GLDN: variants seen among roughly 807,000 people sequenced by gnomAD.
The protein encoded by GLDN is collomin.
Under a neutral mutation model 56.5 loss-of-function variants are expected in GLDN, and 47 were observed. The ratio of observed to expected loss-of-function variants is 0.83; its 90% CI spans 0.66 to 1.06. GLDN has a LOEUF of 1.06. Ranked by LOEUF, GLDN falls within the 50% of genes least tolerant of loss-of-function variation. The pLI, the probability that GLDN is intolerant of heterozygous loss-of-function variation, is 0.00. For missense variants in GLDN, 782 were observed against 714.3 expected (o/e 1.09, Z -1.08); for synonymous variants, 332 against 278.8 (o/e 1.19, Z -1.90).
At position 51,395,762 on chromosome 15, in the gene GLDN, A is replaced by AT. The variant is rs1341715465; in HGVS notation, c.688+781_688+782insT. On this transcript the variant is annotated intron_variant, in intron 5 of 9. Coordinates refer to ENST00000335449, the MANE Select transcript of GLDN (RefSeq NM_181789.4). Reference sequence around the variant, plus strand: ...CTGAGACTGGGTAATTTATATATTTAAAAAAAGGTTTAATTGGCTTATAGT... The same window carrying AT: ...CTGAGACTGGGTAATTTATATATTTATAAAAAAGGTTTAATTGGCTTATAGT... Among the ~76,000 whole-genome samples the AT allele has an allele frequency of 2.2e-4, 6 of 27,070 alleles. No individual in the cohort carries two copies. The South Asian group carries it at 3.9e-3, about 17-fold the overall frequency. The allele number at this position is 27,070 out of a possible 152,430, so 17.8% of individuals were successfully genotyped here.
chr15:51,369,390 C>T (rs16964307), intron 1 of GLDN, among the ~76,000 whole-genome samples: 1,618 of 152,334 alleles, frequency 0.011, 33 homozygotes, highest in African/African-American at 0.038. Context: ...GATGACTTAG[C>T]ATTTAAACAG....
intron 5 of GLDN, among the ~76,000 whole-genome samples, chr15:51,395,848 G>A (rs2038115682): frequency 6.6e-6 from 1 of 152,190 alleles, no homozygotes; most frequent in Non-Finnish European, 1.5e-5. Flanking sequence ...GAGGCCTCAG[G>A]AAACTTGTAA....
At chr15:51,374,938 A>G (rs908636847) in intron 1 of GLDN, among the ~76,000 whole-genome samples, 2 of 151,898 alleles carry the variant, frequency 1.3e-5, no homozygotes, top group African/African-American at 4.8e-5. Flanking sequence ...GGGTCTTACT[A>G]TGTTACCCAG....
At chr15:51,353,596 G>C (rs1355126512) in intron 1 of GLDN, among the ~76,000 whole-genome samples, 1 of 151,694 alleles carries the variant, frequency 6.6e-6, no homozygotes, top group Non-Finnish European at 1.5e-5. Flanking sequence ...GAGAAAATGT[G>C]AGTGGAAGGT....
intron 1 of GLDN, among the ~76,000 whole-genome samples, chr15:51,376,754 A>G (rs2037639656): frequency 6.6e-6 from 1 of 152,186 alleles, no homozygotes; most frequent in Admixed American, 6.5e-5. Flanking sequence ...TTTGTTAAAA[A>G]TGAAGACACA....
chr15:51,403,332 T>C (rs893586060), intron 9 of GLDN, among the ~76,000 whole-genome samples: 1 of 152,304 alleles, frequency 6.6e-6, no homozygotes, highest in African/African-American at 2.4e-5. Flanking sequence ...TACTGAGATG[T>C]GCAGGGACCT....
At chr15:51,365,761 C>T (rs546447772) in intron 1 of GLDN, among the ~76,000 whole-genome samples, 1 of 152,104 alleles carries the variant, frequency 6.6e-6, no homozygotes, top group South Asian at 2.1e-4. Context: ...GCAGTCAAAT[C>T]CGTAAAATCT....
chr15:51,393,243 A>G (rs1255215438), intron 4 of GLDN, among the ~76,000 whole-genome samples: 1 of 152,120 alleles, frequency 6.6e-6, no homozygotes, highest in Admixed American at 6.5e-5. Flanking sequence ...CAAATTTTGG[A>G]CTCTCAGCAG....
Position 51,404,441 on chromosome 15 carries a change from T to C in GLDN, c.1343T>C (p.Leu448Pro). Residue 448 changes from leucine (L) to proline (P), a missense_variant, in exon 10 of 10, where the codon CTT becomes CCT. Transcript: ENST00000335449. ...TCAAGTGTGGACGGCTCGAGCATTCTTGTAGCACAACTGGATGAGAGGACA... is the reference window on the plus strand; with the variant it reads ...TCAAGTGTGGACGGCTCGAGCATTCCTGTAGCACAACTGGATGAGAGGACA... ...YASSVDGSSI[L>P]VAQLDERTFS... is the part of the protein sequence containing the mutation. 6.2e-7 allele frequency: 1 copy of C among 1,614,220 alleles called. No individual in the cohort carries two copies. The highest frequency in any genetic ancestry group is 8.5e-7 in the Non-Finnish European group (1 of 1,180,048).
chr15:51,365,653 C>G (rs1168184568), intron 1 of GLDN, among the ~76,000 whole-genome samples: 4 of 152,176 alleles, frequency 2.6e-5, no homozygotes, highest in African/African-American at 4.8e-5. Context: ...GTCTGACTCC[C>G]AAGTCCACGA....
chr15:51,404,520 C>T lies in GLDN; in HGVS notation c.1422C>T (p.Asn474=), dbSNP rs760906296. The T allele has an allele frequency of 2.1e-4, 339 of 1,613,872 alleles. No homozygotes were observed. The highest frequency in any genetic ancestry group is 4.9e-4 in the Middle Eastern group (3 of 6,084). Residue 474 remains asparagine, a synonymous_variant, in exon 10 of 10, where the codon AAC becomes AAT. Transcript: ENST00000335449. ...CGTACCCTAAATCCAAGGCTGGCAA[C>T]GCCTTCATTGCCCGAGGAATCCTCT... The part of the protein sequence containing the change: ...NTTYPKSKAG[N]AFIARGILYV...
At position 51,341,866 on chromosome 15, in the gene GLDN, A is replaced by G. The variant is rs2036888749; in HGVS notation, c.182A>G (p.Glu61Gly). ...GCGCAGCGGGGCCGGGAGCAGCGCG[A>G]GGACAGTGCCCTGCGCTCCTTCCTG... ...LEAQRGREQR[E>G]DSALRSFLAE... Residue 61 changes from glutamate to glycine, a missense_variant, in exon 1 of 10, where the codon GAG becomes GGG. Transcript: ENST00000335449. The G allele has an allele frequency of 3.9e-6, 6 of 1,552,768 alleles. No homozygotes were observed. Among genetic ancestry groups the G allele is most frequent in the Non-Finnish European group, 5.2e-6 (6 of 1,158,094 alleles).
intron 2 of GLDN, among the ~76,000 whole-genome samples, chr15:51,381,523 C>T (rs2037759786): frequency 6.6e-6 from 1 of 152,192 alleles, no homozygotes; most frequent in Non-Finnish European, 1.5e-5. Context: ...GTATTGAAAG[C>T]ATATCCTCAA....
chr15:51,409,003 T>C (rs893793527), downstream of GLDN, among the ~76,000 whole-genome samples: 3 of 150,344 alleles, frequency 2.0e-5, no homozygotes, highest in African/African-American at 7.3e-5. Flanking sequence ...CGTGTGCTTA[T>C]TCACATGGTG....
intron 8 of GLDN, 68 bp downstream of exon 8, chr15:51,400,566 G>A: frequency 2.0e-6 from 3 of 1,512,782 alleles, no homozygotes; most frequent in African/African-American, 2.8e-5. Context: ...GCCTACCTTT[G>A]GGCGTATTCC....
chr15:51,345,447 A>G (rs1951808803), intron 1 of GLDN, among the ~76,000 whole-genome samples: 1 of 152,256 alleles, frequency 6.6e-6, no homozygotes, highest in Non-Finnish European at 1.5e-5. Context: ...CAGCCTGGCT[A>G]CTTTAAAGCA....
chr15:51,342,214 A>G, intron 1 of GLDN, 167 bp downstream of exon 1: 2 of 781,626 alleles, frequency 2.6e-6, no homozygotes, highest in Non-Finnish European at 4.0e-6. Flanking sequence ...ACCTCAACCC[A>G]CTGGAGTCTG....
intron 1 of GLDN, among the ~76,000 whole-genome samples, chr15:51,348,175 G>A (rs2037011660): frequency 6.6e-6 from 1 of 152,236 alleles, no homozygotes; most frequent in South Asian, 2.1e-4. Context: ...GAGCAATAGA[G>A]CACGGTAGGG....
At chr15:51,387,540 G>A (rs1595830134) in intron 4 of GLDN, among the ~76,000 whole-genome samples, 2 of 152,164 alleles carry the variant, frequency 1.3e-5, no homozygotes, top group African/African-American at 4.8e-5. Context: ...AGAGCTTTTG[G>A]ATGAGCAGCC....
Sources: gnomAD v4.1 joint callset for allele counts (sites outside exome capture counted in the v4.1 genomes callset) on GRCh38, gnomAD v4.1.1 for gene constraint, MANE v1.5 for transcripts, NCBI Gene and HGNC (gene_info 2026-07-23, HGNC 2026-07-21) for gene names.